The following AKT3 variants were observed in gnomAD, a reference collection of about 807,000 sequenced individuals.
AKT3 encodes the protein RAC-gamma serine/threonine-protein kinase.
In AKT3, 15 loss-of-function variants were observed where a neutral mutation model predicts 65.3. That is an observed-to-expected ratio of 0.23 (90% CI 0.15 to 0.35). The LOEUF (loss-of-function observed/expected upper bound fraction) is 0.35. AKT3 is among the 10% of genes least tolerant of loss of function. The pLI, the probability that AKT3 is intolerant of heterozygous loss-of-function variation, is 1.00. For synonymous variants in AKT3, 206 were observed against 183.8 expected (o/e 1.12, Z -0.98); for missense variants, 243 against 576.5 (o/e 0.42, Z 5.92).
At chr1:243,834,495 C>T (rs781686664) in intron 2 of AKT3, among the ~76,000 whole-genome samples, 33 of 152,132 alleles carry the variant, frequency 2.2e-4, no homozygotes, top group Non-Finnish European at 2.9e-4. Flanking sequence ...TTCAAGAACA[C>T]GCTGAGGGTG....
chr1:243,843,078 C>A (rs781055792), intron 2 of AKT3, 47 bp downstream of exon 2: 2 of 1,602,616 alleles, frequency 1.2e-6, no homozygotes, highest in Non-Finnish European at 8.5e-7. Context: ...CCACTCACTG[C>A]TAGCACTCTT....
At chr1:243,533,438 C>T (rs553113498) in intron 12 of AKT3, among the ~76,000 whole-genome samples, 112 of 152,252 alleles carry the variant, frequency 7.4e-4, no homozygotes, top group Non-Finnish European at 1.4e-3. Context: ...ATATTCTACA[C>T]AAGAGCAAAG....
intron 8 of AKT3, 87 bp from the exon 9 acceptor site, chr1:243,573,135 C>T: frequency 7.0e-7 from 1 of 1,426,426 alleles, no homozygotes. Flanking sequence ...CTCTCATCAC[C>T]ATATTGTGAT....
intron 2 of AKT3, among the ~76,000 whole-genome samples, chr1:243,773,338 T>C (rs1690318183): frequency 6.6e-6 from 1 of 151,758 alleles, no homozygotes; most frequent in South Asian, 2.1e-4. Flanking sequence ...AAGAGTAAAA[T>C]GACTATGAAA....
intron 8 of AKT3, among the ~76,000 whole-genome samples, chr1:243,589,102 T>C (rs1676016140): frequency 6.6e-6 from 1 of 151,860 alleles, no homozygotes; most frequent in Admixed American, 6.6e-5. Flanking sequence ...GGTCAGGAAT[T>C]TGAGACCAGC....
chr1:243,785,243 T>C (rs1691184309), intron 2 of AKT3, among the ~76,000 whole-genome samples: 1 of 151,534 alleles, frequency 6.6e-6, no homozygotes, highest in African/African-American at 2.4e-5. Context: ...TAATTTTTTT[T>C]TTTTTTTTGT....
chr1:243,506,131 A>C (rs1669649752), intron 13 of AKT3, among the ~76,000 whole-genome samples: 1 of 152,252 alleles, frequency 6.6e-6, no homozygotes, highest in Non-Finnish European at 1.5e-5. Flanking sequence ...CCACTCAGTC[A>C]ACATGCGCTC....
At chr1:243,498,475 G>A (rs535427561), downstream of AKT3, among the ~76,000 whole-genome samples, 37 of 152,298 alleles carry the variant, frequency 2.4e-4, no homozygotes, top group South Asian at 7.2e-3. Context: ...GCCTCCTGCC[G>A]GAGCCCCACC....
intron 2 of AKT3, among the ~76,000 whole-genome samples, chr1:243,755,639 T>C (rs1467970409): frequency 6.6e-6 from 1 of 152,218 alleles, no homozygotes; most frequent in African/African-American, 2.4e-5. Flanking sequence ...CCAAAGTGTT[T>C]TCTTATAATC....
intron 2 of AKT3, among the ~76,000 whole-genome samples, chr1:243,786,734 C>T (rs994790589): frequency 6.6e-6 from 1 of 152,086 alleles, no homozygotes; most frequent in African/African-American, 2.4e-5. Context: ...AGCTGTTGAA[C>T]CAGAAATGCT....
At position 243,621,943 on chromosome 1, in the gene AKT3, T is replaced by C. The variant is rs575518900; in HGVS notation, c.562-6782A>G. On this transcript the variant is annotated intron_variant, in intron 6 of 13. Transcript: ENST00000673466. ...CCTAGTACAAGCCACTATCATCAATTATCTAGATTACTGCTGCAATTAGCA... is the reference window on the plus strand; with the variant it reads ...CCTAGTACAAGCCACTATCATCAATCATCTAGATTACTGCTGCAATTAGCA... Among the ~76,000 whole-genome samples the C allele has an allele frequency of 1.2e-4, 19 of 152,316 alleles. 1 individual carries two copies. In the South Asian group the frequency reaches 3.3e-3, roughly 27 times the overall value.
chr1:243,604,877 A>G (rs1677281284), intron 8 of AKT3, among the ~76,000 whole-genome samples: 1 of 152,224 alleles, frequency 6.6e-6, no homozygotes, highest in Non-Finnish European at 1.5e-5. Context: ...ACTAGATTAT[A>G]AAGTTAATCC....
chr1:243,603,786 G>T (rs556288447), intron 8 of AKT3, among the ~76,000 whole-genome samples: 1 of 151,866 alleles, frequency 6.6e-6, no homozygotes, highest in South Asian at 2.1e-4. Flanking sequence ...GCAGCAAACA[G>T]GAAATCATAT....
chr1:243,785,280 G>A (rs532187060), intron 2 of AKT3, among the ~76,000 whole-genome samples: 14 of 148,716 alleles, frequency 9.4e-5, no homozygotes, highest in South Asian at 8.5e-4. Context: ...GGGTTTCACC[G>A]TGTTAGTCAG....
chr1:243,540,683 CA>C (rs1672247541), intron 12 of AKT3, among the ~76,000 whole-genome samples: 1 of 152,032 alleles, frequency 6.6e-6, no homozygotes, highest in Non-Finnish European at 1.5e-5. Flanking sequence ...GTTTTTCCAC[CA>C]ATGCCCCTGC....
At chr1:243,771,354 C>T (rs1021298907) in intron 2 of AKT3, among the ~76,000 whole-genome samples, 1 of 152,102 alleles carries the variant, frequency 6.6e-6, no homozygotes, top group Non-Finnish European at 1.5e-5. Context: ...ATGTGTTTTC[C>T]ATGTTCTATT....
intron 2 of AKT3, among the ~76,000 whole-genome samples, chr1:243,744,836 T>A (rs1688382974): frequency 6.6e-6 from 1 of 152,142 alleles, no homozygotes; most frequent in Non-Finnish European, 1.5e-5. Flanking sequence ...CAGTATTCTT[T>A]ACTATGTTCA....
intron 8 of AKT3, among the ~76,000 whole-genome samples, chr1:243,597,339 T>C (rs1346443712): frequency 6.6e-6 from 1 of 152,158 alleles, no homozygotes; most frequent in Non-Finnish European, 1.5e-5. Context: ...AATGATAAAA[T>C]TGAAAATATG....
chr1:243,728,040 C>G (rs1027868399), intron 2 of AKT3, among the ~76,000 whole-genome samples: 1 of 152,188 alleles, frequency 6.6e-6, no homozygotes, highest in Non-Finnish European at 1.5e-5. Context: ...CCACATACAA[C>G]TTGAAGACTA....
Sources: allele counts gnomAD v4.1 joint callset (sites outside exome capture counted in the v4.1 genomes callset), GRCh38; gene constraint gnomAD v4.1.1; transcripts MANE v1.5; gene names NCBI Gene and HGNC (gene_info 2026-07-23, HGNC 2026-07-21).